Variants in PKLR observed in about 807,000 individuals in gnomAD.
PKLR encodes the protein pyruvate kinase L/R.
In PKLR, 38 loss-of-function variants were observed where a neutral mutation model predicts 53.6. That is an observed-to-expected ratio of 0.71 (90% CI 0.55 to 0.93). The LOEUF (loss-of-function observed/expected upper bound fraction) is 0.93, where lower values mean the gene tolerates loss of function less well. Ranked by LOEUF, PKLR falls within the 40% of genes least tolerant of loss-of-function variation. The pLI, the probability that PKLR is intolerant of heterozygous loss-of-function variation, is 0.00. For missense variants in PKLR, 702 were observed against 787.3 expected, an observed-to-expected ratio of 0.89 and a Z score of 1.30; for synonymous variants, 328 against 316.2, an observed-to-expected ratio of 1.04 and a Z score of -0.39.
Position 155,294,632 on chromosome 1 carries a change from A to G in PKLR, c.815T>C (p.Leu272Pro), listed in dbSNP as rs1647446208. 1 of 1,614,072 alleles carries G rather than the reference A, an allele frequency of 6.2e-7. No homozygotes were observed. The highest frequency in any genetic ancestry group is 8.5e-7 in the Non-Finnish European group (1 of 1,180,040). Residue 272 changes from leucine to proline, a missense_variant, in exon 6 of 11, where the codon CTG becomes CCG. Around this residue, in one of 2 missense-constraint regions of PKLR, gnomAD observed 519 missense variants for 537.1 expected, o/e 0.97. Transcript: ENST00000342741. ...CACCCCATGCTCCACCCCGAAGCGC[A>G]GGTCTCGGACGTCCTGCTCGGACAG... is the stretch of plus-strand genomic sequence containing the variant. ...PGLSEQDVRD[L>P]RFGVEHGVDI...
upstream of PKLR, among the ~76,000 whole-genome samples, chr1:155,303,919 G>T (rs562843198): frequency 6.6e-6 from 1 of 152,166 alleles, no homozygotes; most frequent in African/African-American, 2.4e-5. Context: ...TTTCCATGGC[G>T]GCGGGGCGGG....
intron 2 of PKLR, among the ~76,000 whole-genome samples, chr1:155,298,521 G>A (rs1468985374): frequency 6.7e-6 from 1 of 150,160 alleles, no homozygotes; most frequent in Admixed American, 6.7e-5. Flanking sequence ...GTAGAGACGG[G>A]GTTTCTCCAT....
At chr1:155,300,886 A>G in intron 1 of PKLR, 1 of 1,611,440 alleles carries the variant, frequency 6.2e-7, no homozygotes, top group Non-Finnish European at 8.5e-7. Flanking sequence ...CGCACCTTCC[A>G]TGCCACTGCA....
At chr1:155,299,002 CTTTCTTTCT>C (rs1647792014) in intron 2 of PKLR, among the ~76,000 whole-genome samples, 1 of 100,868 alleles carries the variant, frequency 9.9e-6, no homozygotes, top group Non-Finnish European at 1.8e-5. Flanking sequence ...TTCTTTCTTT[CTTTCTTTCT>C]TTCTTTCTTT....
At chr1:155,297,689 C>A (rs1011893650) in intron 2 of PKLR, among the ~76,000 whole-genome samples, 1 of 152,050 alleles carries the variant, frequency 6.6e-6, no homozygotes. Context: ...TCATTTCACT[C>A]GGAGGAAAAC....
chr1:155,303,948 C>T (rs1176684499), upstream of PKLR, among the ~76,000 whole-genome samples: 1 of 151,982 alleles, frequency 6.6e-6, no homozygotes, highest in South Asian at 2.1e-4. Flanking sequence ...TAATATATGC[C>T]AAGGCTCTGA....
intron 1 of PKLR, 28 bp from the exon 2 acceptor site, chr1:155,300,308 C>T: frequency 6.4e-7 from 1 of 1,551,660 alleles, no homozygotes; most frequent in East Asian, 2.4e-5. Flanking sequence ...TCAGGGACTG[C>T]ATGTCACCTG....
intron 1 of PKLR, chr1:155,300,926 C>A: frequency 6.2e-7 from 1 of 1,602,180 alleles, no homozygotes; most frequent in South Asian, 1.1e-5. Context: ...CTCTGTGGGT[C>A]TGCTCCACAC....
Position 155,295,439 on chromosome 1 carries a change from C to T in PKLR, c.505G>A (p.Gly169Arg). The T allele has an allele frequency of 3.7e-6, 6 of 1,609,764 alleles. No individual in the cohort carries two copies. Among genetic ancestry groups the T allele is most frequent in the South Asian group, 1.1e-5 (1 of 90,690 alleles). ...GPEIRTGILQ[G>R]GPESEVELVK... ...CGAGTCCCAGCCCCACTGCTCACCC[C>T]CTGCAGGATCCCAGTGCGGATCTCC... The change falls in exon 4 of 11, where the codon GGG becomes AGG. Residue 169 changes from glycine to arginine, a missense_variant and splice_region_variant. Physicochemically the swap from Gly to Arg is moderately radical, Grantham distance 125 (BLOSUM62 -2). Transcript: ENST00000342741. This position sits in a 1 kb window ranked among gnomAD's most constrained non-coding sequence, Gnocchi z 4.3.
chr1:155,304,068 A>G (rs1490750606), upstream of PKLR, among the ~76,000 whole-genome samples: 1 of 152,094 alleles, frequency 6.6e-6, no homozygotes, highest in Non-Finnish European at 1.5e-5. Flanking sequence ...AGGATCTTGT[A>G]ATGTGGTGGG....
At chr1:155,301,028 A>T (rs1161815623) in intron 1 of PKLR, 1 of 1,547,180 alleles carries the variant, frequency 6.5e-7, no homozygotes, top group Non-Finnish European at 8.7e-7. Flanking sequence ...GTTCCATTGG[A>T]AGCCCTGTAT....
upstream of PKLR, among the ~76,000 whole-genome samples, chr1:155,304,205 G>A (rs1278304038): frequency 6.6e-6 from 1 of 152,174 alleles, no homozygotes; most frequent in Non-Finnish European, 1.5e-5. Flanking sequence ...GGCCAAGGCA[G>A]GCGGATCACC....
chr1:155,299,855 G>A (rs1462597464), intron 2 of PKLR, among the ~76,000 whole-genome samples: 1 of 152,068 alleles, frequency 6.6e-6, no homozygotes, highest in Non-Finnish European at 1.5e-5. Flanking sequence ...AATTTATTGT[G>A]CTTACTATTT....
chr1:155,305,749 C>T (rs932199105), upstream of PKLR, among the ~76,000 whole-genome samples: 11 of 151,822 alleles, frequency 7.2e-5, no homozygotes, highest in African/African-American at 2.7e-4. Flanking sequence ...CCCACCTCAA[C>T]GTCCCAAGGA....
upstream of PKLR, among the ~76,000 whole-genome samples, chr1:155,301,976 A>G (rs1392983482): frequency 2.0e-5 from 3 of 151,790 alleles, no homozygotes; most frequent in South Asian, 4.1e-4. Context: ...AAGATCGACT[A>G]TTTTGCTAAA....
the PKLR span, among the ~76,000 whole-genome samples, chr1:155,307,742 C>T: frequency 1.3e-5 from 2 of 152,140 alleles, no homozygotes; most frequent in African/African-American, 4.8e-5. Context: ...TTTCAGAGGT[C>T]GAGGTGGCTG....
rs1647903981 is a variant in PKLR, at chr1:155,300,162, G to A, written c.219C>T (p.Leu73=). ...GCTCGGAGTCAATGTCCAGTAGGCA[G>A]AGGTGTTCCAGGAAGGTGTCTGCCA... ...AAMADTFLEH[L]CLLDIDSEPV... The change falls in exon 2 of 11, where the codon CTC becomes CTT. Residue 73 remains leucine, a synonymous_variant. Transcript: ENST00000342741. 5.0e-6 allele frequency: 8 copies of A among 1,613,982 alleles called. No individual in the cohort carries two copies. In the South Asian group the frequency reaches 8.8e-5, roughly 18 times the overall value.
chr1:155,302,085 T>G (rs984278734), upstream of PKLR, among the ~76,000 whole-genome samples: 1 of 151,036 alleles, frequency 6.6e-6, no homozygotes, highest in African/African-American at 2.4e-5. Flanking sequence ...TTTCACAGAG[T>G]CTCACTCTGT....
Position 155,289,359 on chromosome 1 carries a change from A to T in PKLR, c.*1213T>A, listed in dbSNP as rs2148192937. The T allele has an allele frequency of 6.6e-6, 1 of 152,234 alleles. No individual in the cohort carries two copies. The highest frequency in any genetic ancestry group is 1.9e-4 in the East Asian group (1 of 5,184). The allele number at this position is 152,234 out of a possible 1,614,324, so 9.4% of individuals were successfully genotyped here. On this transcript the variant is annotated 3_prime_UTR_variant, in exon 11 of 11. Transcript: ENST00000342741. Reference sequence around the variant, plus strand: ...TGTTACCAATTAATTTTGTTTACCCATTCCTTTATCCATCCCTCCCCTCCT... The same window carrying T: ...TGTTACCAATTAATTTTGTTTACCCTTTCCTTTATCCATCCCTCCCCTCCT...
Sources: allele counts gnomAD v4.1 joint callset (sites outside exome capture counted in the v4.1 genomes callset), GRCh38; gene constraint gnomAD v4.1.1; regional missense constraint gnomAD v4.1.1; non-coding constraint Gnocchi (gnomAD v3.1); transcripts MANE v1.5; gene names NCBI Gene and HGNC (gene_info 2026-07-23, HGNC 2026-07-21).